The following DSCAM variants were observed in gnomAD, a reference collection of about 807,000 sequenced individuals.
DSCAM encodes the protein cell adhesion molecule DSCAM.
DSCAM carries 47 observed loss-of-function variants against 217.7 expected under a neutral mutation model. The observed-to-expected ratio is 0.22, with a 90% CI of 0.17 to 0.28. DSCAM has a LOEUF of 0.28. Among genes scored for constraint, DSCAM ranks in the 10% least tolerant of loss-of-function variants. The pLI is 1.00. For synonymous variants in DSCAM, 1,056 were observed against 1,015.3 expected, an observed-to-expected ratio of 1.04 and a Z score of -0.76; for missense variants, 2,080 against 2,618.3, an observed-to-expected ratio of 0.79 and a Z score of 4.49.
intron 9 of DSCAM, among the ~76,000 whole-genome samples, chr21:40,309,383 T>C (rs2074114021): frequency 6.6e-6 from 1 of 152,172 alleles, no homozygotes; most frequent in African/African-American, 2.4e-5. Flanking sequence ...TCAATACTGT[T>C]TAATATTCTC....
At chr21:40,686,271 C>T (rs1000548010) in intron 3 of DSCAM, among the ~76,000 whole-genome samples, 1 of 145,022 alleles carries the variant, frequency 6.9e-6, no homozygotes, top group Admixed American at 6.9e-5. Flanking sequence ...ACACACACAC[C>T]CCACACACAT....
intron 1 of DSCAM, among the ~76,000 whole-genome samples, chr21:40,810,992 T>A (rs1355996488): frequency 6.6e-6 from 1 of 152,232 alleles, no homozygotes; most frequent in African/African-American, 2.4e-5. Flanking sequence ...GATGGGGACA[T>A]TGTATAGGAG....
intron 1 of DSCAM, among the ~76,000 whole-genome samples, chr21:40,822,845 C>T (rs910141400): frequency 1.3e-5 from 2 of 152,112 alleles, no homozygotes; most frequent in Non-Finnish European, 2.9e-5. Flanking sequence ...TACACATAAA[C>T]TTCTTATAAG....
intron 31 of DSCAM, among the ~76,000 whole-genome samples, chr21:40,043,095 C>T (rs2088783025): frequency 6.6e-6 from 1 of 152,172 alleles, no homozygotes. Flanking sequence ...GGCCTCAGCT[C>T]AGGAAGGAAG....
intron 3 of DSCAM, among the ~76,000 whole-genome samples, chr21:40,409,350 T>C (rs930009190): frequency 3.3e-5 from 5 of 152,212 alleles, no homozygotes; most frequent in African/African-American, 1.2e-4. Flanking sequence ...ATTTATAAAT[T>C]TGGAAAACAT....
intron 3 of DSCAM, among the ~76,000 whole-genome samples, chr21:40,634,972 A>C (rs1484772637): frequency 6.6e-6 from 1 of 152,218 alleles, no homozygotes; most frequent in Non-Finnish European, 1.5e-5. Context: ...CTCCCACTGG[A>C]ATATAAGTTT....
chr21:40,019,457 G>C (rs372733213), intron 32 of DSCAM, among the ~76,000 whole-genome samples: 1 of 152,240 alleles, frequency 6.6e-6, no homozygotes, highest in Non-Finnish European at 1.5e-5. Context: ...ATAGAGGGCT[G>C]TGGTGAAGAG....
chr21:40,595,255 G>A (rs1465021473), intron 3 of DSCAM, among the ~76,000 whole-genome samples: 4 of 152,000 alleles, frequency 2.6e-5, no homozygotes, highest in Non-Finnish European at 4.4e-5. Flanking sequence ...GTGCACACCT[G>A]CAGTCCCAGC....
At chr21:40,443,995 G>A (rs1377696515) in intron 3 of DSCAM, among the ~76,000 whole-genome samples, 2 of 152,108 alleles carry the variant, frequency 1.3e-5, no homozygotes, top group African/African-American at 4.8e-5. Context: ...ACCTAATCTT[G>A]TGCAAAATGG....
At chr21:40,320,892 C>A (rs1444528213) in intron 8 of DSCAM, among the ~76,000 whole-genome samples, 1 of 152,196 alleles carries the variant, frequency 6.6e-6, no homozygotes, top group Non-Finnish European at 1.5e-5. Context: ...CAAACCCTAT[C>A]AGTCACCATC....
intron 1 of DSCAM, among the ~76,000 whole-genome samples, chr21:40,818,010 G>A (rs549007760): frequency 3.8e-3 from 557 of 144,970 alleles, no homozygotes; most frequent in Non-Finnish European, 6.7e-3. Flanking sequence ...GCAGGAGAAT[G>A]GCGTGAACCC....
intron 4 of DSCAM, among the ~76,000 whole-genome samples, chr21:40,354,302 C>T (rs1246744722): frequency 6.6e-6 from 1 of 152,084 alleles, no homozygotes; most frequent in South Asian, 2.1e-4. Context: ...TATATGAATA[C>T]ATTAAATTAT....
At chr21:40,428,454 G>C (rs1281860568) in intron 3 of DSCAM, among the ~76,000 whole-genome samples, 1 of 151,946 alleles carries the variant, frequency 6.6e-6, no homozygotes, top group East Asian at 1.9e-4. Context: ...GTTTTCAGTA[G>C]AGATGGGGTT....
intron 19 of DSCAM, among the ~76,000 whole-genome samples, chr21:40,132,426 T>TA (rs1267119457): frequency 6.6e-6 from 1 of 152,244 alleles, no homozygotes; most frequent in Admixed American, 6.5e-5. Context: ...GGACTTAGCT[T>TA]TCTAGATATC....
At chr21:40,413,502 T>G (rs904520411) in intron 3 of DSCAM, among the ~76,000 whole-genome samples, 1 of 152,214 alleles carries the variant, frequency 6.6e-6, no homozygotes, top group Non-Finnish European at 1.5e-5. Context: ...CCTACTGGAT[T>G]TGGGACTTAC....
intron 11 of DSCAM, among the ~76,000 whole-genome samples, chr21:40,202,083 C>G (rs75424896): frequency 0.012 from 1,805 of 152,268 alleles, 30 homozygotes; most frequent in African/African-American, 0.041. Flanking sequence ...TCCAGGGAAG[C>G]CTGCCATGAT....
At chr21:40,594,186 T>C (rs1411880931) in intron 3 of DSCAM, among the ~76,000 whole-genome samples, 9 of 152,024 alleles carry the variant, frequency 5.9e-5, no homozygotes, top group African/African-American at 2.2e-4. Flanking sequence ...CAAAAAAGGG[T>C]CATCCTCTTA....
chr21:40,355,322 G>A (rs1419523871), intron 4 of DSCAM, among the ~76,000 whole-genome samples: 2 of 152,162 alleles, frequency 1.3e-5, no homozygotes, highest in Non-Finnish European at 2.9e-5. Context: ...CAAGACAATG[G>A]ATTAAAAAGC....
intron 3 of DSCAM, among the ~76,000 whole-genome samples, chr21:40,565,450 A>G (rs151145716): frequency 2.4e-4 from 36 of 152,350 alleles, no homozygotes; most frequent in African/African-American, 8.7e-4. Context: ...CAAGATATTA[A>G]TATGTTCACA....
Sources: allele counts gnomAD v4.1 joint callset (sites outside exome capture counted in the v4.1 genomes callset), GRCh38; gene constraint gnomAD v4.1.1; transcripts MANE v1.5; gene names NCBI Gene and HGNC (gene_info 2026-07-23, HGNC 2026-07-21).